The following ATXN10 variants were observed in gnomAD, a reference collection of about 807,000 sequenced individuals.
ATXN10 encodes the protein ataxin 10.
A neutral mutation model predicts 52.9 loss-of-function variants in ATXN10; 28 were observed. The observed-to-expected ratio is 0.53, with a 90% CI of 0.39 to 0.73. ATXN10 has a LOEUF of 0.73. Ranked by LOEUF, ATXN10 falls within the 30% of genes least tolerant of loss-of-function variation. The pLI, the probability that ATXN10 is intolerant of heterozygous loss-of-function variation, is 0.00. For missense variants in ATXN10, 565 were observed against 577.0 expected, an observed-to-expected ratio of 0.98 and a Z score of 0.21; for synonymous variants, 226 against 221.5, an observed-to-expected ratio of 1.02 and a Z score of -0.18.
At position 45,843,838 on chromosome 22, in the gene ATXN10, A is replaced by G; in HGVS notation, c.*167A>G. On this transcript the variant is annotated 3_prime_UTR_variant, in exon 12 of 12. Coordinates refer to ENST00000252934, the MANE Select transcript of ATXN10 (RefSeq NM_013236.4). The surrounding 1 kb of genome is among the most constrained non-coding windows in gnomAD (Gnocchi z 4.5). ...CGTGTATAAGCTAAAAGTGAAAGTA[A>G]CTGAGTGTTCTCTTGTTTCTTTGCA... The G allele has an allele frequency of 1.5e-6, 1 of 670,240 alleles. No homozygotes were observed. Among genetic ancestry groups the G allele is most frequent in the African/African-American group, 1.8e-5 (1 of 55,346 alleles). The allele number at this position is 670,240 out of a possible 1,614,324, so 41.5% of individuals were successfully genotyped here.
intron 7 of ATXN10, among the ~76,000 whole-genome samples, chr22:45,736,185 C>T (rs368547509): frequency 9.2e-5 from 14 of 152,040 alleles, no homozygotes; most frequent in African/African-American, 3.4e-4. Flanking sequence ...AGAAAGTGTA[C>T]TTATACTCCA....
rs1295656955 is a variant in ATXN10, at chr22:45,787,909, TTAATC to T, written c.1174-19047_1174-19043del. ...CAAAAATATTCATATCATTTACAAA[TTAATC>T]TATCAGGAATGAGTGTTTACATTTG... On this transcript the variant is annotated intron_variant, in intron 9 of 11. Coordinates refer to ENST00000252934, the MANE Select transcript of ATXN10 (RefSeq NM_013236.4). The surrounding 1 kb of genome is among the most constrained non-coding windows in gnomAD (Gnocchi z 4.2). Among the ~76,000 whole-genome samples, 1 of 152,212 alleles carries T rather than the reference TTAATC, an allele frequency of 6.6e-6. No homozygotes were observed. Among genetic ancestry groups the T allele is most frequent in the African/African-American group, 2.4e-5 (1 of 41,454 alleles).
At chr22:45,741,334 A>C (rs967299160) in intron 9 of ATXN10, among the ~76,000 whole-genome samples, 1 of 152,188 alleles carries the variant, frequency 6.6e-6, no homozygotes, top group East Asian at 1.9e-4. Context: ...TGAGCAATCA[A>C]ATATGTGATC....
Position 45,718,357 on chromosome 22 carries a change from C to A in ATXN10, c.648-56C>A. 3 of 1,290,624 alleles carry A rather than the reference C, an allele frequency of 2.3e-6. No homozygotes were observed. The highest frequency in any genetic ancestry group is 2.9e-5 in the African/African-American group (2 of 68,508). 79.9% of individuals were successfully genotyped at this position (1,290,624 alleles called of 1,614,324 possible). A position where few individuals can be genotyped will look rare whatever the true frequency, so the allele number is the denominator to read the frequency against. On this transcript the variant is annotated intron_variant, in intron 5 of 11. Coordinates refer to ENST00000252934, the MANE Select transcript of ATXN10 (RefSeq NM_013236.4). This position sits in a 1 kb window ranked among gnomAD's most constrained non-coding sequence, Gnocchi z 4.4. Reference sequence around the variant, plus strand: ...GTGGTGCCTATAAAGTAGATAAGGGCATGTCTCTTTTACTATGTTTCAAGT... The same window carrying A: ...GTGGTGCCTATAAAGTAGATAAGGGAATGTCTCTTTTACTATGTTTCAAGT...
At position 45,795,523 on chromosome 22, in the gene ATXN10, G is replaced by A. The variant is rs1483985022; in HGVS notation, c.1174-11436G>A. ...CCTACCAGGTTCAAGCAATTCTCCTGCCTCAGCCTCCCAAGTAGCTGAGAT... is the reference window on the plus strand; with the variant it reads ...CCTACCAGGTTCAAGCAATTCTCCTACCTCAGCCTCCCAAGTAGCTGAGAT... On this transcript the variant is annotated intron_variant, in intron 9 of 11. Coordinates refer to ENST00000252934, the MANE Select transcript of ATXN10 (RefSeq NM_013236.4). This position sits in a 1 kb window ranked among gnomAD's most constrained non-coding sequence, Gnocchi z 4.6. 1.3e-5 allele frequency among the ~76,000 whole-genome samples: 2 copies of A among 151,968 alleles called. No individual in the cohort carries two copies. Among genetic ancestry groups the A allele is most frequent in the African/African-American group, 4.8e-5 (2 of 41,354 alleles).
intron 10 of ATXN10, among the ~76,000 whole-genome samples, chr22:45,836,155 G>A (rs977942515): frequency 1.2e-4 from 19 of 152,214 alleles, no homozygotes; most frequent in Non-Finnish European, 7.3e-5. Context: ...GAGACCCTGT[G>A]TAGAATCTGC....
At chr22:45,743,987 G>A (rs1036505263) in intron 9 of ATXN10, among the ~76,000 whole-genome samples, 1 of 152,046 alleles carries the variant, frequency 6.6e-6, no homozygotes, top group African/African-American at 2.4e-5. Context: ...CTGGAGGCTG[G>A]TCAGTCTGCG....
At chr22:45,743,260 C>G (rs1010424033) in intron 9 of ATXN10, among the ~76,000 whole-genome samples, 3 of 152,184 alleles carry the variant, frequency 2.0e-5, no homozygotes, top group African/African-American at 7.2e-5. Context: ...CAGTTTCTTA[C>G]GTGTGTCAAC....
At chr22:45,804,044 G>C (rs1928018276) in intron 9 of ATXN10, among the ~76,000 whole-genome samples, 1 of 152,016 alleles carries the variant, frequency 6.6e-6, no homozygotes, top group Admixed American at 6.6e-5. Flanking sequence ...TGAATGACTA[G>C]AAAAATAAAT....
intron 7 of ATXN10, among the ~76,000 whole-genome samples, chr22:45,730,734 G>A (rs1925058345): frequency 6.6e-6 from 1 of 152,208 alleles, no homozygotes. Flanking sequence ...ACCACATCTG[G>A]CAGTAGGTTG....
chr22:45,777,302 A>G (rs1299919470), intron 9 of ATXN10, among the ~76,000 whole-genome samples: 1 of 152,192 alleles, frequency 6.6e-6, no homozygotes, highest in Non-Finnish European at 1.5e-5. Context: ...TGGGTGTTTA[A>G]ACCTTTGTGA....
intron 5 of ATXN10, among the ~76,000 whole-genome samples, chr22:45,717,508 C>T: frequency 6.6e-6 from 1 of 152,092 alleles, no homozygotes; most frequent in East Asian, 1.9e-4. Context: ...AAATATTATC[C>T]ATTATTTTTA....
chr22:45,699,870 A>G (rs566983839), intron 3 of ATXN10, among the ~76,000 whole-genome samples: 1 of 145,824 alleles, frequency 6.9e-6, no homozygotes, highest in East Asian at 2.0e-4. Context: ...TTTTTGAGAC[A>G]GAGTCTCACT....
chr22:45,691,607 C>G (rs999399729), intron 2 of ATXN10, among the ~76,000 whole-genome samples: 4 of 152,212 alleles, frequency 2.6e-5, no homozygotes, highest in South Asian at 2.1e-4. Context: ...AGCTCAAAAG[C>G]AGTCTGGGCC....
At chr22:45,697,909 C>T (rs1046338693) in intron 3 of ATXN10, among the ~76,000 whole-genome samples, 4 of 152,348 alleles carry the variant, frequency 2.6e-5, no homozygotes, top group East Asian at 1.9e-4. Context: ...GGATTACAGG[C>T]GTGAGCCACC....
rs1000268589 is a variant in ATXN10 at position 45,701,762 on chromosome 22, T to C, written c.489-927T>C. ...GGAAGTAAAGGAACAGGCACATAGG[T>C]TGTGATGTAAGAACTAAGGTAATTA... is the stretch of plus-strand genomic sequence containing the variant. On this transcript the variant is annotated intron_variant, in intron 4 of 11. Transcript: ENST00000252934. This position sits in a 1 kb window ranked among gnomAD's most constrained non-coding sequence, Gnocchi z 4.2. Among the ~76,000 whole-genome samples, 2 of 152,118 alleles carry C rather than the reference T, an allele frequency of 1.3e-5. No homozygotes were observed. Among genetic ancestry groups the C allele is most frequent in the African/African-American group, 2.4e-5 (1 of 41,416 alleles).
In ATXN10 at chr22:45,690,934, C is replaced by T. The variant is rs532986704; in HGVS notation, c.308+1031C>T. Among the ~76,000 whole-genome samples the T allele has an allele frequency of 6.6e-6, 1 of 152,192 alleles. No individual in the cohort carries two copies. The highest frequency in any genetic ancestry group is 1.5e-5 in the Non-Finnish European group (1 of 68,030). On this transcript the variant is annotated intron_variant, in intron 2 of 11. Transcript: ENST00000252934. The surrounding 1 kb of genome is among the most constrained non-coding windows in gnomAD (Gnocchi z 4.5). ...AGACAGAGCCTCCAGGCTTCCCTGT[C>T]ACCACTGTGACGGGTAAGCTTGGGC...
chr22:45,715,337 C>T lies in ATXN10; in HGVS notation c.648-3076C>T, dbSNP rs991072210. Among the ~76,000 whole-genome samples the T allele has an allele frequency of 6.6e-6, 1 of 152,162 alleles. No homozygotes were observed. The highest frequency in any genetic ancestry group is 1.5e-5 in the Non-Finnish European group (1 of 68,034). On this transcript the variant is annotated intron_variant, in intron 5 of 11. Coordinates refer to ENST00000252934, the MANE Select transcript of ATXN10 (RefSeq NM_013236.4). This position sits in a 1 kb window ranked among gnomAD's most constrained non-coding sequence, Gnocchi z 4.4. ...CAGAAGCGATAGTTGGAGATTTTAA[C>T]ACCTGCTTTTCAGCCATGGGCAGGA...
intron 9 of ATXN10, chr22:45,793,647 C>A: frequency 7.2e-7 from 1 of 1,393,304 alleles, no homozygotes; most frequent in South Asian, 2.1e-5. Context: ...CCAGCCTTTG[C>A]CAAGGATGCA....
Sources: allele counts gnomAD v4.1 joint callset (sites outside exome capture counted in the v4.1 genomes callset), GRCh38; gene constraint gnomAD v4.1.1; non-coding constraint Gnocchi (gnomAD v3.1); transcripts MANE v1.5; gene names NCBI Gene and HGNC (gene_info 2026-07-23, HGNC 2026-07-21).